Variants in HECTD2 observed in about 807,000 individuals in gnomAD.
HECTD2 encodes the protein HECT domain E3 ubiquitin protein ligase 2.
In HECTD2, 35 loss-of-function variants were observed where a neutral mutation model predicts 103.2. The ratio of observed to expected loss-of-function variants is 0.34; its 90% CI spans 0.26 to 0.45. The LOEUF (loss-of-function observed/expected upper bound fraction) is 0.45. HECTD2 is among the 20% of genes least tolerant of loss of function. The pLI is 1.00. For missense variants in HECTD2, 596 were observed against 937.4 expected (o/e 0.64, Z 4.76); for synonymous variants, 281 against 329.9 (o/e 0.85, Z 1.61).
chr10:91,436,923 A>G (rs1844142867), intron 2 of HECTD2, among the ~76,000 whole-genome samples: 1 of 151,994 alleles, frequency 6.6e-6, no homozygotes, highest in South Asian at 2.1e-4. Context: ...TTATATCTTT[A>G]AAACAACAAC....
chr10:91,491,917 G>T (rs1170214695), intron 12 of HECTD2, among the ~76,000 whole-genome samples: 1 of 151,938 alleles, frequency 6.6e-6, no homozygotes, highest in Non-Finnish European at 1.5e-5. Context: ...GCTCACTGCC[G>T]CCTCAAACTC....
At chr10:91,419,885 G>A (rs1365373673) in intron 1 of HECTD2, among the ~76,000 whole-genome samples, 4 of 152,152 alleles carry the variant, frequency 2.6e-5, no homozygotes, top group Non-Finnish European at 4.4e-5. Flanking sequence ...CATAGATAAC[G>A]TATACAAAAC....
In HECTD2 at chr10:91,478,006, G is replaced by T. The variant is rs79168137; in HGVS notation, c.601-195G>T. Among the ~76,000 whole-genome samples the T allele has an allele frequency of 2.6e-5, 4 of 152,102 alleles. No homozygotes were observed. The East Asian group carries it at 7.7e-4, about 29-fold the overall frequency. ...CATGTTGTATGCTACACATACCAGG[G>T]ATACTCTTACTGTAATCTTATGTCA... On this transcript the variant is annotated intron_variant, in intron 5 of 20. Transcript: ENST00000298068.
At chr10:91,430,638 CTTCT>C (rs1229066691) in intron 2 of HECTD2, among the ~76,000 whole-genome samples, 6 of 152,082 alleles carry the variant, frequency 3.9e-5, no homozygotes, top group Non-Finnish European at 8.8e-5. Flanking sequence ...ATGTAATGGC[CTTCT>C]TTGTCTCTTT....
chr10:91,467,307 T>G (rs1845564737), intron 5 of HECTD2, among the ~76,000 whole-genome samples: 1 of 152,070 alleles, frequency 6.6e-6, no homozygotes, highest in East Asian at 1.9e-4. Context: ...GGCGCCCAGA[T>G]GGTTTGGTAT....
chr10:91,474,621 G>A (rs1422610264), intron 5 of HECTD2, among the ~76,000 whole-genome samples: 1 of 150,934 alleles, frequency 6.6e-6, no homozygotes, highest in Non-Finnish European at 1.5e-5. Flanking sequence ...TGAGCAGTTA[G>A]TCAGTGAGTA....
At chr10:91,457,204 G>C (rs1845140021) in intron 2 of HECTD2, among the ~76,000 whole-genome samples, 1 of 151,876 alleles carries the variant, frequency 6.6e-6, no homozygotes, top group South Asian at 2.1e-4. Flanking sequence ...ACGTCCGGAT[G>C]GTCTCACAAG....
rs868304697 is a variant in HECTD2, at chr10:91,453,436, C to A, written c.269-6991C>A. On this transcript the variant is annotated intron_variant, in intron 2 of 20. Transcript: ENST00000298068. ...AAAGAGCAAGACCCTGTCACACACA[C>A]AAAAAGAAAATTATAAACAGGGGAT... 2.4e-4 allele frequency among the ~76,000 whole-genome samples: 36 copies of A among 152,110 alleles called. 1 individual carries two copies. Among genetic ancestry groups the A allele is most frequent in the African/African-American group, 8.4e-4 (35 of 41,508 alleles).
At chr10:91,503,424 C>T (rs991749761) in intron 20 of HECTD2, among the ~76,000 whole-genome samples, 24 of 152,252 alleles carry the variant, frequency 1.6e-4, no homozygotes, top group East Asian at 1.6e-3. Flanking sequence ...GTGCGCACAC[C>T]GTGCGCGAGC....
chr10:91,467,231 A>G (rs369660237), intron 5 of HECTD2, among the ~76,000 whole-genome samples: 1 of 152,112 alleles, frequency 6.6e-6, no homozygotes, highest in Non-Finnish European at 1.5e-5. Flanking sequence ...CATGACCCCC[A>G]TGGACACTTG....
rs74149209 is a variant in HECTD2, at chr10:91,421,013, C to G, written c.139-4268C>G. On this transcript the variant is annotated intron_variant, in intron 1 of 20. Transcript: ENST00000298068. The stretch of plus-strand genomic sequence containing the variant: ...CATGGTAATGTGCATAGTAGATCTT[C>G]CCTCAAACCTTTGCATTCTTCCCCC... 6.0e-3 allele frequency among the ~76,000 whole-genome samples: 910 copies of G among 152,262 alleles called. 4 individuals are homozygous for G. The highest frequency in any genetic ancestry group is 0.021 in the African/African-American group (875 of 41,558).
At chr10:91,413,000 T>G (rs1842985874) in intron 1 of HECTD2, among the ~76,000 whole-genome samples, 1 of 152,162 alleles carries the variant, frequency 6.6e-6, no homozygotes, top group East Asian at 1.9e-4. Flanking sequence ...TTGTCATCAA[T>G]AACTTTTTCT....
intron 5 of HECTD2, among the ~76,000 whole-genome samples, chr10:91,469,077 T>C (rs1024831617): frequency 1.3e-5 from 2 of 151,720 alleles, no homozygotes; most frequent in Non-Finnish European, 2.9e-5. Flanking sequence ...TAAAGAAGAA[T>C]GAACAAAGGC....
In HECTD2 at chr10:91,410,516, GA is replaced by G; in HGVS notation, c.80del (p.Lys27ArgfsTer64). 2 of 1,480,626 alleles carry G rather than the reference GA, an allele frequency of 1.4e-6. No individual in the cohort carries two copies. Among genetic ancestry groups the G allele is most frequent in the East Asian group, 2.9e-5 (1 of 34,688 alleles). The allele number at this position is 1,480,626 out of a possible 1,614,324, so 91.7% of individuals were successfully genotyped here. A position where few individuals can be genotyped will look rare whatever the true frequency, so the allele number is the denominator to read the frequency against. On this transcript the variant is annotated frameshift_variant, in exon 1 of 21. Coordinates refer to ENST00000298068, the MANE Select transcript of HECTD2 (RefSeq NM_182765.6). LOFTEE classifies it high-confidence loss of function. ...AAPAPEERKGKESEREKLPPI... is the reference protein window; with the variant it reads ...AAPAPEERKGXESEREKLPPI... ...CGCCCGCGCCTGAGGAGAGGAAAGGGAAGGAGTCAGAGCGCGAGAAGCTGCC... is the reference window on the plus strand; with the variant it reads ...CGCCCGCGCCTGAGGAGAGGAAAGGGAGGAGTCAGAGCGCGAGAAGCTGCC...
chr10:91,420,704 C>A (rs1843324188), intron 1 of HECTD2, among the ~76,000 whole-genome samples: 1 of 152,150 alleles, frequency 6.6e-6, no homozygotes, highest in Non-Finnish European at 1.5e-5. Flanking sequence ...GGAACAGAGA[C>A]TGGCTGTTTT....
chr10:91,498,225 A>G (rs1846759274), intron 16 of HECTD2, 43 bp downstream of exon 16: 1 of 1,299,796 alleles, frequency 7.7e-7, no homozygotes, highest in Non-Finnish European at 1.1e-6. Flanking sequence ...CATATATTTC[A>G]TATATGAACA....
intron 1 of HECTD2, among the ~76,000 whole-genome samples, chr10:91,423,802 T>C (rs532742410): frequency 1.6e-4 from 25 of 152,260 alleles, no homozygotes; most frequent in African/African-American, 5.1e-4. Flanking sequence ...ATGCACAAGA[T>C]TCACTGTATG....
intron 5 of HECTD2, among the ~76,000 whole-genome samples, chr10:91,465,335 AGT>A (rs938807498): frequency 6.6e-6 from 1 of 152,152 alleles, no homozygotes; most frequent in African/African-American, 2.4e-5. Flanking sequence ...TGTGCATGCG[AGT>A]GTGTATGTTC....
Position 91,460,579 on chromosome 10 carries a change from A to AT in HECTD2, c.407+16dup. On this transcript the variant is annotated intron_variant, in intron 3 of 20. Transcript: ENST00000298068. ...GAAAGACTTTCAGTAAGTTTCAGCT[A>AT]TTATATGTAAATGTATAGTCATCTG... 6.2e-7 allele frequency: 1 copy of AT among 1,601,856 alleles called. No individual in the cohort carries two copies. Among genetic ancestry groups the AT allele is most frequent in the Non-Finnish European group, 8.5e-7 (1 of 1,175,506 alleles).
Sources: gnomAD v4.1 joint callset for allele counts (sites outside exome capture counted in the v4.1 genomes callset) on GRCh38, gnomAD v4.1.1 for gene constraint, MANE v1.5 for transcripts, NCBI Gene and HGNC (gene_info 2026-07-23, HGNC 2026-07-21) for gene names.